The following PTPRU variants were observed in gnomAD, a reference collection of about 807,000 sequenced individuals.
PTPRU encodes protein tyrosine phosphatase receptor type U.
Under a neutral mutation model 166.3 loss-of-function variants are expected in PTPRU, and 69 were observed. The observed-to-expected ratio is 0.41, with a 90% CI of 0.34 to 0.51. PTPRU has a LOEUF of 0.51. Ranked by LOEUF, PTPRU falls within the 20% of genes least tolerant of loss-of-function variation. The pLI, the probability that PTPRU is intolerant of heterozygous loss-of-function variation, is 0.09. For synonymous variants in PTPRU, 793 were observed against 814.0 expected, an observed-to-expected ratio of 0.97 and a Z score of 0.44; for missense variants, 1,657 against 2,013.7, an observed-to-expected ratio of 0.82 and a Z score of 3.39.
intron 7 of PTPRU, among the ~76,000 whole-genome samples, chr1:29,267,221 C>G (rs1432156930): frequency 1.3e-5 from 2 of 152,138 alleles, no homozygotes; most frequent in Non-Finnish European, 2.9e-5. Context: ...AGATCAAGAT[C>G]TTATCTAGAG....
intron 4 of PTPRU, 50 bp downstream of exon 4, chr1:29,259,392 C>T: frequency 3.1e-6 from 5 of 1,608,866 alleles, no homozygotes; most frequent in Non-Finnish European, 4.2e-6. Flanking sequence ...TGGGCGGCCG[C>T]GGCTCCTGCC....
intron 7 of PTPRU, among the ~76,000 whole-genome samples, chr1:29,267,406 G>A (rs1685352660): frequency 2.6e-5 from 4 of 152,196 alleles, no homozygotes; most frequent in African/African-American, 7.2e-5. Context: ...TAAGTGCCGT[G>A]AAGAAGAAAA....
At chr1:29,302,079 T>G (rs941328976) in intron 15 of PTPRU, among the ~76,000 whole-genome samples, 14 of 151,794 alleles carry the variant, frequency 9.2e-5, no homozygotes, top group Non-Finnish European at 1.6e-4. Context: ...GACCTCCCAG[T>G]GGGACAAGAT....
At chr1:29,284,275 T>TG (rs1686240352) in intron 13 of PTPRU, among the ~76,000 whole-genome samples, 1 of 151,942 alleles carries the variant, frequency 6.6e-6, no homozygotes, top group Non-Finnish European at 1.5e-5. Context: ...TTTCCTGTGG[T>TG]GGGGGAGAAG....
chr1:29,270,526 C>A (rs893851417), intron 7 of PTPRU, among the ~76,000 whole-genome samples: 6 of 152,140 alleles, frequency 3.9e-5, no homozygotes, highest in African/African-American at 1.4e-4. Context: ...CCATGAAGGT[C>A]TCGAACCCCT....
chr1:29,259,795 TG>T, intron 5 of PTPRU, 74 bp from the exon 6 acceptor site: 1 of 1,437,414 alleles, frequency 7.0e-7, no homozygotes, highest in Non-Finnish European at 9.2e-7. Flanking sequence ...GACGGCTAAA[TG>T]GGGCCCGGGT....
In PTPRU at chr1:29,280,905, C is replaced by G. The variant is rs564111676; in HGVS notation, c.1868+764C>G. The stretch of plus-strand genomic sequence containing the variant: ...CAGCCCTGTGGCATGGGTATTATTA[C>G]CTTCATTTTACATATCGGGAAACTG... On this transcript the variant is annotated intron_variant, in intron 11 of 29. Transcript: ENST00000373779. This position sits in a 1 kb window ranked among gnomAD's most constrained non-coding sequence, Gnocchi z 4.2. Among the ~76,000 whole-genome samples the G allele has an allele frequency of 6.6e-6, 1 of 152,216 alleles. No individual in the cohort carries two copies. Among genetic ancestry groups the G allele is most frequent in the African/African-American group, 2.4e-5 (1 of 41,506 alleles).
chr1:29,242,423 G>A (rs1227147807), intron 1 of PTPRU, among the ~76,000 whole-genome samples: 2 of 152,142 alleles, frequency 1.3e-5, no homozygotes, highest in Non-Finnish European at 2.9e-5. Context: ...GTTTTTCAAC[G>A]GTCAGCCTAG....
chr1:29,252,506 G>A (rs977532984), intron 1 of PTPRU, among the ~76,000 whole-genome samples: 2 of 152,040 alleles, frequency 1.3e-5, no homozygotes, highest in Non-Finnish European at 2.9e-5. Context: ...GACCTCAGGC[G>A]ATCTGCCTGC....
rs752574527 is a variant in PTPRU, at chr1:29,260,079, C to G, written c.850+35C>G. On this transcript the variant is annotated intron_variant, in intron 6 of 29. Coordinates refer to ENST00000373779, the MANE Select transcript of PTPRU (RefSeq NM_133178.4). This position sits in a 1 kb window ranked among gnomAD's most constrained non-coding sequence, Gnocchi z 8.3. ...TGGACGCCGGGGAGCGCCGGGACCT[C>G]ACCCTCGAGGGGCGGGGCCGGCGAC... 2 of 1,376,522 alleles carry G rather than the reference C, an allele frequency of 1.5e-6. No homozygotes were observed. The highest frequency in any genetic ancestry group is 6.6e-5 in the Admixed American group (2 of 30,136). 85.3% of individuals were successfully genotyped at this position (1,376,522 alleles called of 1,614,324 possible).
intron 16 of PTPRU, 93 bp from the exon 17 acceptor site, chr1:29,304,677 TCCCA>T: frequency 1.1e-6 from 1 of 903,128 alleles, no homozygotes; most frequent in Non-Finnish European, 1.7e-6. Context: ...GCCCTTATCA[TCCCA>T]CCCCCATCCT....
Position 29,315,432 on chromosome 1 carries a change from G to A in PTPRU, c.3288G>A (p.Glu1096=), listed in dbSNP as rs371301025. The A allele has an allele frequency of 1.3e-5, 21 of 1,614,128 alleles. No individual in the cohort carries two copies. The highest frequency in any genetic ancestry group is 1.6e-5 in the Non-Finnish European group (19 of 1,180,048). The change falls in exon 23 of 30, where the codon GAG becomes GAA. Residue 1096 remains glutamate (E), a synonymous_variant. Coordinates refer to ENST00000373779, the MANE Select transcript of PTPRU (RefSeq NM_133178.4). This position sits in a 1 kb window ranked among gnomAD's most constrained non-coding sequence, Gnocchi z 4.5. ...TGGATGTGATGCTGGACATGGCAGAGTGTGAGGGCGTCGTGGACATTTACA... is the reference window on the plus strand; with the variant it reads ...TGGATGTGATGCTGGACATGGCAGAATGTGAGGGCGTCGTGGACATTTACA... The part of the protein sequence containing the change: ...IVLDVMLDMA[E]CEGVVDIYNC...
intron 1 of PTPRU, among the ~76,000 whole-genome samples, chr1:29,249,846 T>C (rs1684472087): frequency 6.6e-6 from 1 of 152,156 alleles, no homozygotes. Flanking sequence ...CAGGATGAGA[T>C]AAACTTTCCT....
At chr1:29,278,940 G>A (rs1342354511) in intron 8 of PTPRU, 72 bp from the exon 9 acceptor site, 4 of 1,230,910 alleles carry the variant, frequency 3.2e-6, no homozygotes, top group African/African-American at 1.5e-5. Context: ...AAGCGGCAAG[G>A]CTGGAATTTA....
intron 12 of PTPRU, among the ~76,000 whole-genome samples, 166 bp downstream of exon 12, chr1:29,283,115 A>G (rs937587681): frequency 6.9e-4 from 28 of 40,452 alleles, no homozygotes; most frequent in African/African-American, 3.0e-3. Context: ...GCCCACCCCC[A>G]TAGCCCTACC....
chr1:29,283,042 G>C (rs1006733902), intron 12 of PTPRU, 93 bp downstream of exon 12: 148 of 1,516,454 alleles, frequency 9.8e-5, no homozygotes, highest in Non-Finnish European at 1.2e-4. Context: ...GCAGACTCCA[G>C]GCCCGGCACT....
At chr1:29,290,610 A>T (rs756553684) in intron 14 of PTPRU, among the ~76,000 whole-genome samples, 1 of 152,198 alleles carries the variant, frequency 6.6e-6, no homozygotes, top group Non-Finnish European at 1.5e-5. Flanking sequence ...CTCCCTGGAC[A>T]GCTCCTTACC....
rs965957974 is a variant in PTPRU, at chr1:29,280,602, G to A, written c.1868+461G>A. Among the ~76,000 whole-genome samples the A allele has an allele frequency of 2.0e-5, 3 of 152,130 alleles. No individual in the cohort carries two copies. Among genetic ancestry groups the A allele is most frequent in the Middle Eastern group, 3.2e-3 (1 of 316 alleles). ...TCCCCAGAGGAAGCTGGGCTTGCTG[G>A]TGCCGTGGTGGCTGCCTCTGCTGGG... On this transcript the variant is annotated intron_variant, in intron 11 of 29. Coordinates refer to ENST00000373779, the MANE Select transcript of PTPRU (RefSeq NM_133178.4). This position sits in a 1 kb window ranked among gnomAD's most constrained non-coding sequence, Gnocchi z 4.2.
Position 29,292,974 on chromosome 1 carries a change from C to T in PTPRU, c.2476+948C>T, listed in dbSNP as rs550087650. Among the ~76,000 whole-genome samples the T allele has an allele frequency of 5.9e-5, 9 of 151,646 alleles. 1 individual carries two copies. The South Asian group carries it at 1.7e-3, about 28-fold the overall frequency. On this transcript the variant is annotated intron_variant, in intron 15 of 29. Transcript: ENST00000373779. Reference sequence around the variant, plus strand: ...GGGATTACAGGCACCTGCCACCATACCCGGCTAATTTTTTTGTTTTTTTGA... The same window carrying T: ...GGGATTACAGGCACCTGCCACCATATCCGGCTAATTTTTTTGTTTTTTTGA...
Sources: gnomAD v4.1 joint callset for allele counts (sites outside exome capture counted in the v4.1 genomes callset) on GRCh38, gnomAD v4.1.1 for gene constraint, Gnocchi (gnomAD v3.1) non-coding constraint, MANE v1.5 for transcripts, NCBI Gene and HGNC (gene_info 2026-07-23, HGNC 2026-07-21) for gene names.